The following DAB2IP variants were observed in gnomAD, a reference collection of about 807,000 sequenced individuals.
DAB2IP encodes the protein DAB2 interacting protein.
A neutral mutation model predicts 107.2 loss-of-function variants in DAB2IP; 28 were observed. The observed-to-expected ratio is 0.26, with a 90% CI of 0.19 to 0.36. The LOEUF (loss-of-function observed/expected upper bound fraction) is 0.36, where lower values mean the gene tolerates loss of function less well. Among genes scored for constraint, DAB2IP ranks in the 10% least tolerant of loss-of-function variants. The pLI, the probability that DAB2IP is intolerant of heterozygous loss-of-function variation, is 1.00. For synonymous variants in DAB2IP, 755 were observed against 706.4 expected, an observed-to-expected ratio of 1.07 and a Z score of -1.09; for missense variants, 1,400 against 1,644.7, an observed-to-expected ratio of 0.85 and a Z score of 2.57.
At chr9:121,735,301 C>T (rs1831818929) in intron 3 of DAB2IP, among the ~76,000 whole-genome samples, 1 of 152,078 alleles carries the variant, frequency 6.6e-6, no homozygotes, top group Non-Finnish European at 1.5e-5. Context: ...GAGCCTAGGG[C>T]CCAGCAGGGG....
At position 121,699,591 on chromosome 9, in the gene DAB2IP, G is replaced by C; in HGVS notation, c.362+133G>C. The C allele has an allele frequency of 1.2e-6, 1 of 805,400 alleles. No individual in the cohort carries two copies. The highest frequency in any genetic ancestry group is 1.6e-6 in the Non-Finnish European group (1 of 631,516). The allele number at this position is 805,400 out of a possible 1,614,324, so 49.9% of individuals were successfully genotyped here. A position where few individuals can be genotyped will look rare whatever the true frequency, so the allele number is the denominator to read the frequency against. Reference sequence around the variant, plus strand: ...GGGGGGACCCCACGCCGCCCGCCGGGAACTTATGGGGCCACCTCGGCCGGA... The same window carrying C: ...GGGGGGACCCCACGCCGCCCGCCGGCAACTTATGGGGCCACCTCGGCCGGA... On this transcript the variant is annotated intron_variant, in intron 3 of 15. Transcript: ENST00000408936. This position sits in a 1 kb window ranked among gnomAD's most constrained non-coding sequence, Gnocchi z 6.2.
Position 121,782,619 on chromosome 9 carries a change from C to T in DAB2IP, c.*121C>T. 1 of 1,507,132 alleles carries T rather than the reference C, an allele frequency of 6.6e-7. No individual in the cohort carries two copies. Among genetic ancestry groups the T allele is most frequent in the Non-Finnish European group, 8.8e-7 (1 of 1,130,190 alleles). 93.4% of individuals were successfully genotyped at this position (1,507,132 alleles called of 1,614,324 possible). A position where few individuals can be genotyped will look rare whatever the true frequency, so the allele number is the denominator to read the frequency against. On this transcript the variant is annotated 3_prime_UTR_variant, in exon 16 of 16. Coordinates refer to ENST00000408936, the Ensembl canonical transcript of DAB2IP. The surrounding 1 kb of genome is among the most constrained non-coding windows in gnomAD (Gnocchi z 6.1). ...CAGCGCGGGTGTCAGGAGGCCGAGC[C>T]TCCCCTCCCTGCCGCTGTCCAGGAG...
rs973449296 is a variant in DAB2IP at position 121,698,078 on chromosome 9, T to C, written c.229-1247T>C. Among the ~76,000 whole-genome samples the C allele has an allele frequency of 6.6e-6, 1 of 152,210 alleles. No homozygotes were observed. Among genetic ancestry groups the C allele is most frequent in the African/African-American group, 2.4e-5 (1 of 41,452 alleles). On this transcript the variant is annotated intron_variant, in intron 2 of 15. Coordinates refer to ENST00000408936, the Ensembl canonical transcript of DAB2IP. This position sits in a 1 kb window ranked among gnomAD's most constrained non-coding sequence, Gnocchi z 4.1. ...AGGGCCTGTGCCAAACATCCACTGCTCCTCTTGAACACAGAGAGGGCTGCC... is the reference window on the plus strand; with the variant it reads ...AGGGCCTGTGCCAAACATCCACTGCCCCTCTTGAACACAGAGAGGGCTGCC...
At chr9:121,773,667 G>C (rs1834950393) in intron 12 of DAB2IP, among the ~76,000 whole-genome samples, 172 bp downstream of exon 12, 1 of 152,090 alleles carries the variant, frequency 6.6e-6, no homozygotes, top group African/African-American at 2.4e-5. Context: ...GCTTCTTCCT[G>C]AATCCTGTGA....
rs926695343 is a variant in DAB2IP at position 121,635,012 on chromosome 9, G to A, written c.41-43666G>A. Reference sequence around the variant, plus strand: ...GCGGCCCACCCAGCCTCAGACCTGTGTATATGTGTGTGTGTGTGCGCGTGC... The same window carrying A: ...GCGGCCCACCCAGCCTCAGACCTGTATATATGTGTGTGTGTGTGCGCGTGC... On this transcript the variant is annotated intron_variant, in intron 1 of 16. Transcript: ENST00000259371. The surrounding 1 kb of genome is among the most constrained non-coding windows in gnomAD (Gnocchi z 4.3). 6.6e-6 allele frequency among the ~76,000 whole-genome samples: 1 copy of A among 152,146 alleles called. No homozygotes were observed. The highest frequency in any genetic ancestry group is 6.5e-5 in the Admixed American group (1 of 15,274).
chr9:121,652,554 A>G (rs111599844), intron 1 of DAB2IP, among the ~76,000 whole-genome samples: 1,745 of 152,056 alleles, frequency 0.011, 40 homozygotes, highest in African/African-American at 0.038. Context: ...CTGGCTGAGT[A>G]GGAGGGAGGG....
Position 121,666,615 on chromosome 9 carries a change from G to A in DAB2IP, c.125-12063G>A, listed in dbSNP as rs892629713. Among the ~76,000 whole-genome samples, 7 of 152,098 alleles carry A rather than the reference G, an allele frequency of 4.6e-5. No individual in the cohort carries two copies. The East Asian group carries it at 1.2e-3, about 25-fold the overall frequency. ...CTGTCGGCGGGTTGGGGGGCCAGGG[G>A]AGGGAGAGCATGAGGACAAATACCT... On this transcript the variant is annotated intron_variant, in intron 1 of 15. Transcript: ENST00000408936.
chr9:121,779,084 TTC>T (rs919829365), intron 14 of DAB2IP, among the ~76,000 whole-genome samples: 1 of 152,192 alleles, frequency 6.6e-6, no homozygotes, highest in Non-Finnish European at 1.5e-5. Context: ...TTCATTTTTT[TTC>T]TGTTTCTTCT....
Position 121,741,262 on chromosome 9 carries a change from A to G in DAB2IP, c.363-15751A>G, listed in dbSNP as rs766902553. 5.9e-5 allele frequency among the ~76,000 whole-genome samples: 9 copies of G among 152,336 alleles called. No individual in the cohort carries two copies. In the East Asian group the frequency reaches 1.5e-3, roughly 26 times the overall value. On this transcript the variant is annotated intron_variant, in intron 3 of 15. Coordinates refer to ENST00000408936, the Ensembl canonical transcript of DAB2IP. Reference sequence around the variant, plus strand: ...AGCTTTTGGGGAGGCTGTTTCTGCAACAGGCGTGTAGGGTGGCCCTATGGC... The same window carrying G: ...AGCTTTTGGGGAGGCTGTTTCTGCAGCAGGCGTGTAGGGTGGCCCTATGGC...
chr9:121,724,632 T>G (rs1831129092), intron 3 of DAB2IP, among the ~76,000 whole-genome samples: 1 of 152,236 alleles, frequency 6.6e-6, no homozygotes, highest in Non-Finnish European at 1.5e-5. Context: ...AGTTGGTGAA[T>G]GAACAAACAA....
In DAB2IP at chr9:121,684,386, C is replaced by T. The variant is rs549384421; in HGVS notation, c.228+5605C>T. On this transcript the variant is annotated intron_variant, in intron 2 of 15. Transcript: ENST00000408936. The surrounding 1 kb of genome is among the most constrained non-coding windows in gnomAD (Gnocchi z 4.0). ...ATCCAGTGGTCCTCACCCCTTACTCCTTCCTGTCCTCTCCTCCCAGCACCT... is the reference window on the plus strand; with the variant it reads ...ATCCAGTGGTCCTCACCCCTTACTCTTTCCTGTCCTCTCCTCCCAGCACCT... Among the ~76,000 whole-genome samples, 1 of 152,276 alleles carries T rather than the reference C, an allele frequency of 6.6e-6. No homozygotes were observed. Among genetic ancestry groups the T allele is most frequent in the African/African-American group, 2.4e-5 (1 of 41,544 alleles).
chr9:121,707,744 A>G (rs965352916), intron 3 of DAB2IP, among the ~76,000 whole-genome samples: 1 of 152,166 alleles, frequency 6.6e-6, no homozygotes, highest in Non-Finnish European at 1.5e-5. Flanking sequence ...CCTTTTTGAC[A>G]TTCATAATCA....
intron 1 of DAB2IP, among the ~76,000 whole-genome samples, chr9:121,658,222 G>T (rs999435905): frequency 6.6e-6 from 1 of 152,158 alleles, no homozygotes; most frequent in Non-Finnish European, 1.5e-5. Context: ...TAAGAGAAAG[G>T]CAATGGCTGT....
rs1454878725 is a variant in DAB2IP at position 121,783,437 on chromosome 9, G to T, written c.*939G>T. The T allele has an allele frequency of 1.4e-5, 23 of 1,610,306 alleles. No individual in the cohort carries two copies. The South Asian group carries it at 2.5e-4, about 18-fold the overall frequency. ...GTGCCACCTGGTGCTCACCCTGAAA[G>T]AAAAGGTGATCCTTCCTCTGAGTGA... On this transcript the variant is annotated 3_prime_UTR_variant, in exon 16 of 16. Coordinates refer to ENST00000408936, the Ensembl canonical transcript of DAB2IP.
At chr9:121,604,241 T>C (rs1020797278) in intron 1 of DAB2IP, among the ~76,000 whole-genome samples, 1 of 152,200 alleles carries the variant, frequency 6.6e-6, no homozygotes, top group Admixed American at 6.5e-5. Context: ...AGCCATCACA[T>C]GTCTCTCCTC....
chr9:121,654,619 C>A (rs988713085), intron 1 of DAB2IP, among the ~76,000 whole-genome samples: 7 of 152,146 alleles, frequency 4.6e-5, no homozygotes, highest in African/African-American at 1.7e-4. Flanking sequence ...TGACTCTACC[C>A]CAGAGCCACA....
At chr9:121,758,661 C>G (rs892385879) in intron 4 of DAB2IP, among the ~76,000 whole-genome samples, 1 of 152,174 alleles carries the variant, frequency 6.6e-6, no homozygotes, top group African/African-American at 2.4e-5. Flanking sequence ...GGAGCCTGCT[C>G]GTGCAGGATG....
chr9:121,679,005 G>C (rs1355744280), intron 2 of DAB2IP, among the ~76,000 whole-genome samples: 1 of 152,212 alleles, frequency 6.6e-6, no homozygotes, highest in Admixed American at 6.5e-5. Flanking sequence ...GAGGGAGGGG[G>C]CAGGTGGAGG....
chr9:121,568,993 C>G (rs934064147), intron 1 of DAB2IP, among the ~76,000 whole-genome samples: 5 of 152,172 alleles, frequency 3.3e-5, no homozygotes, highest in Non-Finnish European at 1.5e-5. Context: ...GTAAGGGATT[C>G]AAGAGGAAGA....
Sources: gnomAD v4.1 joint callset for allele counts (sites outside exome capture counted in the v4.1 genomes callset) on GRCh38, gnomAD v4.1.1 for gene constraint, Gnocchi (gnomAD v3.1) non-coding constraint, MANE v1.5 for transcripts, NCBI Gene and HGNC (gene_info 2026-07-23, HGNC 2026-07-21) for gene names.